The following TAF4B variants were observed in gnomAD, a reference collection of about 807,000 sequenced individuals.
TAF4B encodes the protein TATA-box binding protein associated factor 4b, also known as transcription initiation factor TFIID subunit 4B.
In TAF4B, 38 loss-of-function variants were observed where a neutral mutation model predicts 86.4. The ratio of observed to expected loss-of-function variants is 0.44; its 90% CI spans 0.34 to 0.58. The LOEUF (loss-of-function observed/expected upper bound fraction) is 0.58, where lower values mean the gene tolerates loss of function less well. Among genes scored for constraint, TAF4B ranks in the 20% least tolerant of loss-of-function variants. The pLI is 0.02. For missense variants in TAF4B, 988 were observed against 1,027.6 expected (o/e 0.96, Z 0.53); for synonymous variants, 388 against 391.2 (o/e 0.99, Z 0.10).
rs1239023085 is a variant in TAF4B, at chr18:26,327,155, G to A, written c.2259+15G>A. 1 of 1,606,928 alleles carries A rather than the reference G, an allele frequency of 6.2e-7. No individual in the cohort carries two copies. The highest frequency in any genetic ancestry group is 1.7e-5 in the Admixed American group (1 of 59,934). ...AGGCAGCCAAGGTAAGGGCCAGTGT[G>A]ATTTATGAGTGAATGTGGCCTGGCA... On this transcript the variant is annotated intron_variant, in intron 12 of 14. Coordinates refer to ENST00000269142, the MANE Select transcript of TAF4B (RefSeq NM_005640.3).
chr18:26,309,712 TAC>T (rs1456804210), intron 9 of TAF4B, among the ~76,000 whole-genome samples: 1 of 152,226 alleles, frequency 6.6e-6, no homozygotes, highest in Non-Finnish European at 1.5e-5. Flanking sequence ...TAGTTTCTAA[TAC>T]AGTTTTCACA....
chr18:26,286,368 G>A lies in TAF4B; in HGVS notation c.1459G>A (p.Val487Ile). 6.2e-7 allele frequency: 1 copy of A among 1,614,196 alleles called. No individual in the cohort carries two copies. The highest frequency in any genetic ancestry group is 8.5e-7 in the Non-Finnish European group (1 of 1,180,034). Residue 487 changes from valine to isoleucine, a missense_variant, in exon 7 of 15, where the codon GTT becomes ATT. This residue lies in a region of TAF4B where 747 missense variants were observed against 737.9 expected (regional missense o/e 1.01). Transcript: ENST00000269142. Reference protein sequence around the residue: ...AAICLPSVKPVVSSAGTTSDK... With the variant: ...AAICLPSVKPIVSSAGTTSDK... ...TATTTGTCTTCCATCTGTGAAACCTGTTGTTTCTTCTGCTGGGACCACATC... is the reference window on the plus strand; with the variant it reads ...TATTTGTCTTCCATCTGTGAAACCTATTGTTTCTTCTGCTGGGACCACATC...
intron 5 of TAF4B, among the ~76,000 whole-genome samples, chr18:26,278,180 A>G (rs2056404998): frequency 6.6e-6 from 1 of 152,218 alleles, no homozygotes; most frequent in Non-Finnish European, 1.5e-5. Flanking sequence ...AAAATGCTCC[A>G]TGTATGTTTC....
intron 14 of TAF4B, among the ~76,000 whole-genome samples, chr18:26,389,193 T>G (rs115405769): frequency 0.014 from 2,191 of 152,336 alleles, 40 homozygotes; most frequent in African/African-American, 0.05. Flanking sequence ...TTAACCTATC[T>G]AAGCTCAGTT....
At chr18:26,362,043 TTTC>T (rs2057336925) in intron 14 of TAF4B, among the ~76,000 whole-genome samples, 1 of 152,200 alleles carries the variant, frequency 6.6e-6, no homozygotes, top group Non-Finnish European at 1.5e-5. Context: ...GTTCCTGACT[TTTC>T]TACTACAGTA....
At chr18:26,352,493 T>C (rs1448330140) in intron 13 of TAF4B, among the ~76,000 whole-genome samples, 1 of 152,076 alleles carries the variant, frequency 6.6e-6, no homozygotes, top group East Asian at 1.9e-4. Context: ...GGTTCTTTGA[T>C]CAACAACATC....
At chr18:26,271,800 G>A (rs1042135060) in intron 3 of TAF4B, among the ~76,000 whole-genome samples, 3 of 151,658 alleles carry the variant, frequency 2.0e-5, no homozygotes, top group Admixed American at 6.6e-5. Context: ...GGTGGGGGGC[G>A]GCTCTCATCC....
chr18:26,250,429 G>A (rs1310004392), intron 1 of TAF4B, among the ~76,000 whole-genome samples: 4 of 151,768 alleles, frequency 2.6e-5, no homozygotes, highest in South Asian at 2.1e-4. Flanking sequence ...CCCGGGAGGC[G>A]GAGCTTGCAG....
chr18:26,237,953 T>C (rs1326339359), intron 1 of TAF4B, among the ~76,000 whole-genome samples: 1 of 152,114 alleles, frequency 6.6e-6, no homozygotes, highest in Non-Finnish European at 1.5e-5. Flanking sequence ...CTGTGGTTTT[T>C]TACCCCTGCC....
chr18:26,238,824 G>T (rs2055790738), intron 1 of TAF4B, among the ~76,000 whole-genome samples: 1 of 152,154 alleles, frequency 6.6e-6, no homozygotes, highest in Admixed American at 6.5e-5. Context: ...TCACCTATGA[G>T]ATAGAACATG....
intron 12 of TAF4B, among the ~76,000 whole-genome samples, chr18:26,334,194 A>T (rs1256752546): frequency 1.3e-5 from 2 of 152,148 alleles, no homozygotes; most frequent in Non-Finnish European, 1.5e-5. Context: ...TTTTGTGTAG[A>T]TATTTAAGAT....
At chr18:26,292,205 C>A (rs1174115981) in intron 7 of TAF4B, 41 bp from the exon 8 acceptor site, 3 of 1,590,286 alleles carry the variant, frequency 1.9e-6, no homozygotes, top group South Asian at 2.3e-5. Flanking sequence ...TTTCTAAAGC[C>A]TTAAGTTGAA....
intron 3 of TAF4B, among the ~76,000 whole-genome samples, chr18:26,270,147 A>G (rs1352606651): frequency 6.6e-6 from 1 of 152,212 alleles, no homozygotes; most frequent in African/African-American, 2.4e-5. Context: ...TAAGACTGCC[A>G]TTTGCACATT....
intron 11 of TAF4B, among the ~76,000 whole-genome samples, chr18:26,326,019 A>G (rs2057001284): frequency 6.6e-6 from 1 of 152,232 alleles, no homozygotes; most frequent in Admixed American, 6.5e-5. Flanking sequence ...GGAGTGGTAC[A>G]GTACTCATGA....
chr18:26,258,759 G>A (rs1311167644), intron 1 of TAF4B, among the ~76,000 whole-genome samples: 1 of 152,038 alleles, frequency 6.6e-6, no homozygotes, highest in African/African-American at 2.4e-5. Context: ...GCTGTGGTGT[G>A]ATTATAGCTC....
intron 1 of TAF4B, among the ~76,000 whole-genome samples, chr18:26,235,010 AT>A (rs376064375): frequency 3.9e-5 from 6 of 152,114 alleles, no homozygotes; most frequent in African/African-American, 1.2e-4. Context: ...TACTACATCA[AT>A]TTCCTTACTT....
intron 1 of TAF4B, among the ~76,000 whole-genome samples, chr18:26,239,660 C>G (rs531079575): frequency 2.8e-4 from 43 of 152,270 alleles, no homozygotes; most frequent in African/African-American, 9.9e-4. Context: ...GAAGTCCTTG[C>G]CCATGCCTAT....
chr18:26,317,150 C>T (rs1396884531), intron 10 of TAF4B, among the ~76,000 whole-genome samples: 2 of 151,820 alleles, frequency 1.3e-5, no homozygotes, highest in South Asian at 2.1e-4. Context: ...CTGCCTCAAC[C>T]TCCCGAGTAG....
In TAF4B at chr18:26,357,741, G is replaced by A; in HGVS notation, c.2368G>A (p.Ala790Thr). ...QIQHRDANLT[A>T]LAAIGPRKKR... ...ACAGCATAGAGACGCTAATCTCACA[G>A]CTCTTGCAGCTATTGGACCAAGGAA... Residue 790 changes from alanine (A) to threonine (T), a missense_variant, in exon 14 of 15, where the codon GCT (alanine) becomes ACT (threonine). Ala to Thr is a moderately conservative substitution (Grantham distance 58). Transcript: ENST00000269142. 9 of 1,613,336 alleles carry A rather than the reference G, an allele frequency of 5.6e-6. No individual in the cohort carries two copies. The highest frequency in any genetic ancestry group is 7.6e-6 in the Non-Finnish European group (9 of 1,179,636).
Sources: gnomAD v4.1 joint callset for allele counts (sites outside exome capture counted in the v4.1 genomes callset) on GRCh38, gnomAD v4.1.1 for gene constraint, gnomAD v4.1.1 regional missense constraint, MANE v1.5 for transcripts, NCBI Gene and HGNC (gene_info 2026-07-23, HGNC 2026-07-21) for gene names.